CYP7B1: variants seen among roughly 807,000 people sequenced by gnomAD.
CYP7B1 encodes the protein cytochrome P450 7B1.
A neutral mutation model predicts 42.7 loss-of-function variants in CYP7B1; 29 were observed. That is an observed-to-expected ratio of 0.68 (90% CI 0.51 to 0.93). The LOEUF is 0.93. CYP7B1 is among the 40% of genes least tolerant of loss of function. CYP7B1 has a pLI of 0.00. For synonymous variants in CYP7B1, 235 were observed against 218.2 expected (o/e 1.08, Z -0.68); for missense variants, 655 against 600.5 (o/e 1.09, Z -0.95).
intron 1 of CYP7B1, among the ~76,000 whole-genome samples, chr8:64,720,971 AATAAG>A (rs1332780083): frequency 1.3e-5 from 2 of 152,022 alleles, no homozygotes; most frequent in African/African-American, 4.8e-5. Flanking sequence ...TGAATATATA[AATAAG>A]ATATTTTTAA....
intron 1 of CYP7B1, among the ~76,000 whole-genome samples, chr8:64,699,560 G>T (rs1806881601): frequency 6.6e-6 from 1 of 151,954 alleles, no homozygotes; most frequent in South Asian, 2.1e-4. Flanking sequence ...AAACCATCTG[G>T]CTATAAAGGA....
At chr8:64,738,882 G>C (rs568069145) in intron 1 of CYP7B1, among the ~76,000 whole-genome samples, 64 of 152,104 alleles carry the variant, frequency 4.2e-4, no homozygotes, top group Non-Finnish European at 7.9e-4. Context: ...AATTCCTGGG[G>C]GGTGAGTGTG....
intron 1 of CYP7B1, among the ~76,000 whole-genome samples, chr8:64,751,743 T>G (rs1807729643): frequency 6.6e-6 from 1 of 152,202 alleles, no homozygotes. Flanking sequence ...CTTGTCTGAA[T>G]AGCCTTTTCT....
chr8:64,644,293 G>A (rs536612361), intron 1 of CYP7B1, among the ~76,000 whole-genome samples: 165 of 151,786 alleles, frequency 1.1e-3, no homozygotes, highest in Non-Finnish European at 3.1e-4. Flanking sequence ...AAAAAGAATG[G>A]CTATCAACTT....
chr8:64,666,503 T>G (rs1351770333), intron 1 of CYP7B1, among the ~76,000 whole-genome samples: 1 of 152,026 alleles, frequency 6.6e-6, no homozygotes, highest in Non-Finnish European at 1.5e-5. Context: ...CAGTTGGCAT[T>G]TGGGTTGGAT....
At chr8:64,633,247 G>A (rs2129630770) in intron 1 of CYP7B1, among the ~76,000 whole-genome samples, 1 of 152,280 alleles carries the variant, frequency 6.6e-6, no homozygotes, top group South Asian at 2.1e-4. Flanking sequence ...GTATTTGAAA[G>A]TAGCTGATAT....
At chr8:64,769,910 A>G (rs190542249) in intron 1 of CYP7B1, among the ~76,000 whole-genome samples, 1 of 152,312 alleles carries the variant, frequency 6.6e-6, no homozygotes, top group African/African-American at 2.4e-5. Flanking sequence ...TCAAGTCTTC[A>G]CAGAACAATA....
intron 1 of CYP7B1, among the ~76,000 whole-genome samples, chr8:64,749,327 C>T (rs1329207582): frequency 6.6e-6 from 1 of 152,084 alleles, no homozygotes; most frequent in Non-Finnish European, 1.5e-5. Flanking sequence ...GTGATCCACT[C>T]GCCTCGGCTT....
At chr8:64,708,936 T>A (rs1371850130) in intron 1 of CYP7B1, among the ~76,000 whole-genome samples, 1 of 152,188 alleles carries the variant, frequency 6.6e-6, no homozygotes, top group Admixed American at 6.5e-5. Flanking sequence ...GATAACACCA[T>A]TAGTTCTCCC....
chr8:64,589,307 C>T (rs937265556), downstream of CYP7B1, among the ~76,000 whole-genome samples: 15 of 152,220 alleles, frequency 9.9e-5, no homozygotes, highest in African/African-American at 3.1e-4. Flanking sequence ...TTGTTTAGTC[C>T]GAGTACCTCC....
chr8:64,604,136 T>C (rs1805241160), intron 5 of CYP7B1, among the ~76,000 whole-genome samples: 1 of 152,142 alleles, frequency 6.6e-6, no homozygotes, highest in Non-Finnish European at 1.5e-5. Flanking sequence ...CCCTCAGAGC[T>C]TCACCCGTGA....
chr8:64,692,904 G>C (rs1303187190), intron 1 of CYP7B1, among the ~76,000 whole-genome samples: 1 of 152,120 alleles, frequency 6.6e-6, no homozygotes, highest in Non-Finnish European at 1.5e-5. Flanking sequence ...AGTTTACTAG[G>C]GTGAAAAATG....
At chr8:64,763,414 C>T (rs1232999903) in intron 1 of CYP7B1, among the ~76,000 whole-genome samples, 1 of 152,194 alleles carries the variant, frequency 6.6e-6, no homozygotes, top group Non-Finnish European at 1.5e-5. Context: ...TTGGGAGCAG[C>T]CCGCCACCGT....
chr8:64,652,833 T>C (rs1479296964), intron 1 of CYP7B1, among the ~76,000 whole-genome samples: 2 of 151,986 alleles, frequency 1.3e-5, no homozygotes, highest in Admixed American at 6.6e-5. Flanking sequence ...GACAGAGAGA[T>C]ACTCTGTCTC....
chr8:64,657,190 A>G (rs1448359132), intron 1 of CYP7B1, among the ~76,000 whole-genome samples: 2 of 152,178 alleles, frequency 1.3e-5, no homozygotes, highest in Non-Finnish European at 2.9e-5. Context: ...TTTATGGTTA[A>G]ACATTCAGTG....
chr8:64,674,456 C>T (rs1401980634), intron 1 of CYP7B1, among the ~76,000 whole-genome samples: 7 of 152,038 alleles, frequency 4.6e-5, no homozygotes, highest in Admixed American at 4.6e-4. Context: ...AGCAAGTTAC[C>T]TGGCTATGGC....
chr8:64,797,899 C>T (rs907012656), intron 1 of CYP7B1, among the ~76,000 whole-genome samples: 1 of 152,118 alleles, frequency 6.6e-6, no homozygotes, highest in Non-Finnish European at 1.5e-5. Flanking sequence ...TTTGTTTTGT[C>T]CTTATAAAAA....
intron 1 of CYP7B1, among the ~76,000 whole-genome samples, chr8:64,685,158 G>A (rs184499857): frequency 8.9e-4 from 135 of 152,200 alleles, no homozygotes; most frequent in African/African-American, 2.5e-3. Flanking sequence ...TTGCCGCCCC[G>A]CCGGCGAGCG....
At chr8:64,603,959 A>G (rs530613848) in intron 5 of CYP7B1, among the ~76,000 whole-genome samples, 1 of 152,354 alleles carries the variant, frequency 6.6e-6, no homozygotes, top group Non-Finnish European at 1.5e-5. Context: ...TACTGCAGCA[A>G]CATTACTTCC....
Sources: gnomAD v4.1 joint callset for allele counts (sites outside exome capture counted in the v4.1 genomes callset) on GRCh38, gnomAD v4.1.1 for gene constraint, MANE v1.5 for transcripts, NCBI Gene and HGNC (gene_info 2026-07-23, HGNC 2026-07-21) for gene names.